RBFOX1: variants seen among roughly 807,000 people sequenced by gnomAD.
RBFOX1 encodes the protein RNA binding fox-1 homolog 1, also known as RNA binding protein fox-1 homolog 1.
Under a neutral mutation model 57.7 loss-of-function variants are expected in RBFOX1, and 8 were observed. That is an observed-to-expected ratio of 0.14 (90% CI 0.08 to 0.25). The LOEUF is 0.25. Among genes scored for constraint, RBFOX1 ranks in the 10% least tolerant of loss-of-function variants. The pLI is 1.00. For synonymous variants in RBFOX1, 326 were observed against 222.4 expected, an observed-to-expected ratio of 1.47 and a Z score of -4.15; for missense variants, 611 against 548.5, an observed-to-expected ratio of 1.11 and a Z score of -1.14.
At chr16:7,691,015 C>A (rs575983105) in intron 14 of RBFOX1, among the ~76,000 whole-genome samples, 1 of 152,082 alleles carries the variant, frequency 6.6e-6, no homozygotes, top group South Asian at 2.1e-4. Context: ...AGTGATCACA[C>A]AGATTGAATT....
intron 3 of RBFOX1, among the ~76,000 whole-genome samples, chr16:5,845,203 T>A (rs78546027): frequency 0.051 from 7,735 of 152,180 alleles, 275 homozygotes; most frequent in Admixed American, 0.095. Flanking sequence ...ATGGAGTCAT[T>A]GCCAAGGGGG....
At chr16:7,403,562 TC>T (rs33991020) in intron 4 of RBFOX1, among the ~76,000 whole-genome samples, 54,004 of 114,538 alleles carry the variant, frequency 0.47, 11,363 homozygotes, top group African/African-American at 0.49. Context: ...AATGAGAGAA[TC>T]CCCCCCCCCC....
rs147663103 is a variant in RBFOX1 at position 7,494,352 on chromosome 16, G to A, written c.28-23795G>A. ...ATCTCTGGCCTTCCTACCATTGGCG[G>A]CTAGTGTGTTATTTTCCAAGCCCGC... On this transcript the variant is annotated intron_variant, in intron 4 of 15. Coordinates refer to ENST00000550418, the MANE Select transcript of RBFOX1 (RefSeq NM_018723.4). Among the ~76,000 whole-genome samples the A allele has an allele frequency of 9.0e-3, 1,374 of 152,202 alleles. 9 individuals are homozygous for A. The highest frequency in any genetic ancestry group is 0.016 in the Non-Finnish European group (1,059 of 68,006).
intron 4 of RBFOX1, among the ~76,000 whole-genome samples, chr16:7,349,187 C>T (rs1471975497): frequency 6.6e-6 from 1 of 152,146 alleles, no homozygotes; most frequent in Non-Finnish European, 1.5e-5. Context: ...AGGACTAAAA[C>T]TTGGGTTAAA....
chr16:7,651,978 A>C (rs1244206241), intron 11 of RBFOX1, among the ~76,000 whole-genome samples: 1 of 151,502 alleles, frequency 6.6e-6, no homozygotes. Flanking sequence ...TGGTTTGCTG[A>C]CTCTGTGGGC....
At chr16:6,583,746 G>A (rs2097568737) in intron 2 of RBFOX1, among the ~76,000 whole-genome samples, 1 of 152,144 alleles carries the variant, frequency 6.6e-6, no homozygotes, top group African/African-American at 2.4e-5. Context: ...TTATTTTTCA[G>A]CAGCCTGCTG....
chr16:5,566,537 G>T (rs2046074732), intron 2 of RBFOX1, among the ~76,000 whole-genome samples: 1 of 151,272 alleles, frequency 6.6e-6, no homozygotes, highest in African/African-American at 2.4e-5. Flanking sequence ...CTTGTAACTT[G>T]CTCCATCTCC....
intron 4 of RBFOX1, among the ~76,000 whole-genome samples, chr16:7,442,077 A>G (rs2098772385): frequency 6.6e-6 from 1 of 152,178 alleles, no homozygotes; most frequent in Admixed American, 6.5e-5. Flanking sequence ...CTGGTAATGA[A>G]TCCATTAGGC....
At chr16:5,730,432 G>T (rs2052323414) in intron 3 of RBFOX1, among the ~76,000 whole-genome samples, 2 of 152,184 alleles carry the variant, frequency 1.3e-5, no homozygotes, top group African/African-American at 4.8e-5. Context: ...GGTTGTCATT[G>T]TGTGCCTCTG....
intron 10 of RBFOX1, among the ~76,000 whole-genome samples, chr16:7,623,312 A>G (rs150072426): frequency 2.6e-5 from 4 of 152,218 alleles, no homozygotes; most frequent in East Asian, 3.9e-4. Flanking sequence ...CCTTATTTCT[A>G]TTATTATTAC....
chr16:6,289,269 G>A (rs1259370679), intron 1 of RBFOX1, among the ~76,000 whole-genome samples: 2 of 152,096 alleles, frequency 1.3e-5, no homozygotes, highest in African/African-American at 4.8e-5. Flanking sequence ...GGATGGAAAG[G>A]TTTGGAAGGG....
chr16:5,655,154 A>C lies in RBFOX1; in HGVS notation c.318+56193A>C, dbSNP rs541483438. ...GAACATATTTTATTATTTGTTTGCT[A>C]TCTGGAATTTAGCCCCGACGAGGGT... On this transcript the variant is annotated intron_variant, in intron 3 of 19. Coordinates refer to the RBFOX1 transcript ENST00000641259. Among the ~76,000 whole-genome samples, 6 of 152,292 alleles carry C rather than the reference A, an allele frequency of 3.9e-5. No individual in the cohort carries two copies. In the East Asian group the frequency reaches 5.8e-4, roughly 15 times the overall value.
At chr16:6,483,260 G>C (rs112168255) in intron 2 of RBFOX1, 1 of 1,291,180 alleles carries the variant, frequency 7.7e-7, no homozygotes, top group South Asian at 2.1e-5. Flanking sequence ...CTTTGTGCGC[G>C]CCCGGGTGTT....
rs992808400 is a variant in RBFOX1 at position 6,097,174 on chromosome 16, C to G, written c.-127+77182C>G. Among the ~76,000 whole-genome samples, 1 of 152,130 alleles carries G rather than the reference C, an allele frequency of 6.6e-6. No individual in the cohort carries two copies. The highest frequency in any genetic ancestry group is 1.5e-5 in the Non-Finnish European group (1 of 68,044). On this transcript the variant is annotated intron_variant, in intron 1 of 15. Coordinates refer to ENST00000550418, the MANE Select transcript of RBFOX1 (RefSeq NM_018723.4). The surrounding 1 kb of genome is among the most constrained non-coding windows in gnomAD (Gnocchi z 5.0). ...CTTTCCTGTCTGCTGCCTTGTAAGACGTGACTTTCGCTTTCTGCCATGATT... is the reference window on the plus strand; with the variant it reads ...CTTTCCTGTCTGCTGCCTTGTAAGAGGTGACTTTCGCTTTCTGCCATGATT...
chr16:7,483,888 A>C (rs952214519), intron 4 of RBFOX1, among the ~76,000 whole-genome samples: 2 of 152,234 alleles, frequency 1.3e-5, no homozygotes, highest in Non-Finnish European at 2.9e-5. Flanking sequence ...TGTACAATCT[A>C]ATTCATCCGC....
chr16:7,694,043 C>G (rs1234149473), intron 14 of RBFOX1, among the ~76,000 whole-genome samples: 2 of 152,146 alleles, frequency 1.3e-5, no homozygotes, highest in African/African-American at 4.8e-5. Context: ...TGATGTGGTT[C>G]AGAACAGTTA....
intron 3 of RBFOX1, among the ~76,000 whole-genome samples, chr16:7,012,954 G>C (rs1421439180): frequency 6.6e-6 from 1 of 152,168 alleles, no homozygotes; most frequent in African/African-American, 2.4e-5. Flanking sequence ...GTGGTTGGCA[G>C]ATGGCCACCT....
At chr16:5,747,470 T>C (rs1296643794) in intron 3 of RBFOX1, among the ~76,000 whole-genome samples, 2 of 152,180 alleles carry the variant, frequency 1.3e-5, no homozygotes, top group Non-Finnish European at 2.9e-5. Context: ...TACCAGCTCC[T>C]TCTTGTACCT....
rs149795744 is a variant in RBFOX1, at chr16:5,261,287, C to T, written c.219+21182C>T. On this transcript the variant is annotated intron_variant, in intron 1 of 2. Coordinates refer to the RBFOX1 transcript ENST00000585867. The stretch of plus-strand genomic sequence containing the variant: ...GTCCTATTTTTAAATGGATTCACCT[C>T]TCATCACTGGCCTTTTGTCATGGTC... Among the ~76,000 whole-genome samples, 439 of 152,256 alleles carry T rather than the reference C, an allele frequency of 2.9e-3. 2 individuals are homozygous for T. The highest frequency in any genetic ancestry group is 9.6e-3 in the African/African-American group (400 of 41,550).
Sources: gnomAD v4.1 joint callset for allele counts (sites outside exome capture counted in the v4.1 genomes callset) on GRCh38, gnomAD v4.1.1 for gene constraint, Gnocchi (gnomAD v3.1) non-coding constraint, MANE v1.5 for transcripts, NCBI Gene and HGNC (gene_info 2026-07-23, HGNC 2026-07-21) for gene names.